ZNF556: variants seen among roughly 807,000 people sequenced by gnomAD.
ZNF556 encodes the protein zinc finger protein 556.
ZNF556 carries 11 observed loss-of-function variants against 13.6 expected under a neutral mutation model. That is an observed-to-expected ratio of 0.81 (90% CI 0.51 to 1.33). The LOEUF is 1.33. Ranked by LOEUF, ZNF556 falls within the 40% of genes most tolerant of loss-of-function variation. The pLI is 0.00. For missense variants in ZNF556, 633 were observed against 566.2 expected (o/e 1.12, Z -1.20); for synonymous variants, 229 against 207.8 (o/e 1.10, Z -0.88).
At chr19:2,874,639 G>C (rs772221378) in intron 2 of ZNF556, among the ~76,000 whole-genome samples, 2 of 151,384 alleles carry the variant, frequency 1.3e-5, no homozygotes, top group Non-Finnish European at 2.9e-5. Context: ...AGCTACTTGG[G>C]AGGCTGAGGC....
In ZNF556 at chr19:2,867,720, A is replaced by C. The variant is rs545864829; in HGVS notation, c.3+296A>C. 8.1e-3 allele frequency among the ~76,000 whole-genome samples: 976 copies of C among 120,264 alleles called. 19 individuals carry two copies. Among genetic ancestry groups the C allele is most frequent in the African/African-American group, 0.026 (925 of 35,806 alleles). 78.9% of individuals were successfully genotyped at this position (120,264 alleles called of 152,430 possible). ...AAAACTAACCCAAAGTACAAAAAAC[A>C]AAACAAAAAAAAAAAAAACCTCACC... On this transcript the variant is annotated intron_variant, in intron 1 of 3. Transcript: ENST00000307635.
chr19:2,867,417 A>G lies in ZNF556; in HGVS notation c.-5A>G, dbSNP rs774072133. 5.7e-6 allele frequency: 9 copies of G among 1,584,770 alleles called. No homozygotes were observed. The South Asian group carries it at 6.9e-5, about 12-fold the overall frequency. On this transcript the variant is annotated 5_prime_UTR_variant, in exon 1 of 4. Transcript: ENST00000307635. ...CTCCTCAAAGAGCTCAGGAACGGACAGGACATGGTGAGTGCAGGGCAGGAG... is the reference window on the plus strand; with the variant it reads ...CTCCTCAAAGAGCTCAGGAACGGACGGGACATGGTGAGTGCAGGGCAGGAG...
At chr19:2,874,390 C>A (rs1403878290) in intron 2 of ZNF556, among the ~76,000 whole-genome samples, 1 of 152,056 alleles carries the variant, frequency 6.6e-6, no homozygotes, top group Non-Finnish European at 1.5e-5. Flanking sequence ...AATTCAGTAG[C>A]TTCTCTGTGA....
intron 1 of ZNF556, among the ~76,000 whole-genome samples, chr19:2,871,166 G>GA (rs59136663): frequency 0.21 from 30,649 of 148,376 alleles, 5,103 homozygotes; most frequent in African/African-American, 0.46. Flanking sequence ...GCCGTCTCAA[G>GA]AAAAAAAAAA....
chr19:2,876,923 G>T (rs2087857100), intron 3 of ZNF556, among the ~76,000 whole-genome samples: 3 of 151,828 alleles, frequency 2.0e-5, no homozygotes, highest in Admixed American at 2.0e-4. Context: ...TATATATTAA[G>T]AAATAATTGG....
At position 2,877,253 on chromosome 19, in the gene ZNF556, A is replaced by T; in HGVS notation, c.315-20A>T. 1.9e-6 allele frequency: 3 copies of T among 1,572,134 alleles called. No homozygotes were observed. The highest frequency in any genetic ancestry group is 2.6e-6 in the Non-Finnish European group (3 of 1,157,214). ...AATTATTAAGGCATAAACCATTAAT[A>T]ATGTGCTACCCATTTTTAGCAGAAA... On this transcript the variant is annotated intron_variant, in intron 3 of 3. Transcript: ENST00000307635.
chr19:2,877,294 A>G lies in ZNF556; in HGVS notation c.336A>G (p.Arg112=). The G allele has an allele frequency of 6.2e-7, 1 of 1,612,292 alleles. No individual in the cohort carries two copies. Among genetic ancestry groups the G allele is most frequent in the Non-Finnish European group, 8.5e-7 (1 of 1,178,536 alleles). The change falls in exon 4 of 4, where the codon AGA becomes AGG. Residue 112 remains arginine, a synonymous_variant. Coordinates refer to ENST00000307635, the MANE Select transcript of ZNF556 (RefSeq NM_024967.3). ...RHLSRNPRVE[R]PCKSSKGNKR... is the part of the protein sequence containing the mutation. ...TTAGCAGAAATCCAAGGGTGGAGAG[A>G]CCATGTAAAAGCAGTAAAGGTAATA...
rs375467366 is a variant in ZNF556 at position 2,877,954 on chromosome 19, A to T, written c.996A>T (p.Lys332Asn). The T allele has an allele frequency of 6.2e-7, 1 of 1,614,046 alleles. No homozygotes were observed. The highest frequency in any genetic ancestry group is 1.3e-5 in the African/African-American group (1 of 74,938). ...KAFGWPSSLH[K>N]HARTHAKKKP... ...TCGGTTGGCCCTCATCCTTACACAAACACGCGAGAACGCATGCTAAAAAGA... is the reference window on the plus strand; with the variant it reads ...TCGGTTGGCCCTCATCCTTACACAATCACGCGAGAACGCATGCTAAAAAGA... The change falls in exon 4 of 4, where the codon AAA becomes AAT. Residue 332 changes from lysine (K) to asparagine (N), a missense_variant. Transcript: ENST00000307635.
In ZNF556 at chr19:2,878,324, A is replaced by T. The variant is rs773641943; in HGVS notation, c.1366A>T (p.Lys456Ter). The T allele has an allele frequency of 2.5e-6, 4 of 1,612,510 alleles. No individual in the cohort carries two copies. Among genetic ancestry groups the T allele is most frequent in the Non-Finnish European group, 2.5e-6 (3 of 1,179,350 alleles). Residue 456 changes from lysine to a stop codon, truncating the protein, a stop_gained, in exon 4 of 4, where the codon AAG becomes TAG. Transcript: ENST00000307635. LOFTEE classifies it high-confidence loss of function. ...SHTGKKSCTSK is the reference protein window; with the variant it reads ...SHTGKKSCTS ...CACAGGAAAGAAATCCTGTACATCT[A>T]AGTAATGGGGGAAAACCTGTGCAAA...
chr19:2,877,261 A>C lies in ZNF556; in HGVS notation c.315-12A>C. ...AGGCATAAACCATTAATAATGTGCT[A>C]CCCATTTTTAGCAGAAATCCAAGGG... On this transcript the variant is annotated splice_polypyrimidine_tract_variant and intron_variant, in intron 3 of 3. Transcript: ENST00000307635. 1 of 1,587,202 alleles carries C rather than the reference A, an allele frequency of 6.3e-7. No individual in the cohort carries two copies. Among genetic ancestry groups the C allele is most frequent in the Non-Finnish European group, 8.6e-7 (1 of 1,165,398 alleles).
In ZNF556 at chr19:2,878,308, G is replaced by T. The variant is rs267605400; in HGVS notation, c.1350G>T (p.Lys450Asn). 5 of 1,613,772 alleles carry T rather than the reference G, an allele frequency of 3.1e-6. No individual in the cohort carries two copies. The South Asian group carries it at 5.5e-5, about 18-fold the overall frequency. The part of the protein sequence containing the change: ...FQGHVRSHTG[K>N]KSCTSK Reference sequence around the variant, plus strand: ...GTCATGTGAGAAGTCACACAGGAAAGAAATCCTGTACATCTAAGTAATGGG... The same window carrying T: ...GTCATGTGAGAAGTCACACAGGAAATAAATCCTGTACATCTAAGTAATGGG... The change falls in exon 4 of 4, where the codon AAG becomes AAT. Residue 450 changes from lysine (K) to asparagine (N), a missense_variant. Transcript: ENST00000307635.
Position 2,878,579 on chromosome 19 carries a change from G to A in ZNF556, c.*250G>A, listed in dbSNP as rs778149888. Reference sequence around the variant, plus strand: ...TAGTCCCAGCTGCTCAGGAGGCTGAGGCAGGAGAACGGCGTGAACCCGGGA... The same window carrying A: ...TAGTCCCAGCTGCTCAGGAGGCTGAAGCAGGAGAACGGCGTGAACCCGGGA... On this transcript the variant is annotated 3_prime_UTR_variant, in exon 4 of 4. Coordinates refer to ENST00000307635, the MANE Select transcript of ZNF556 (RefSeq NM_024967.3). 1.0e-4 allele frequency: 34 copies of A among 330,862 alleles called. No homozygotes were observed. The highest frequency in any genetic ancestry group is 1.9e-4 in the Non-Finnish European group (34 of 178,056). 20.5% of individuals were successfully genotyped at this position (330,862 alleles called of 1,614,324 possible). A position where few individuals can be genotyped will look rare whatever the true frequency, so the allele number is the denominator to read the frequency against.
intron 1 of ZNF556, among the ~76,000 whole-genome samples, chr19:2,870,809 G>A (rs1324287410): frequency 6.6e-6 from 1 of 151,096 alleles, no homozygotes; most frequent in African/African-American, 2.4e-5. Flanking sequence ...GGAGGCCGAG[G>A]CAGGTGGATC....
Position 2,874,128 on chromosome 19 carries a change from G to A in ZNF556, c.130+506G>A, listed in dbSNP as rs1289742109. 7.1e-4 allele frequency among the ~76,000 whole-genome samples: 108 copies of A among 152,088 alleles called. 2 individuals carry two copies. The highest frequency in any genetic ancestry group is 2.1e-4 in the South Asian group (1 of 4,822). On this transcript the variant is annotated intron_variant, in intron 2 of 3. Coordinates refer to ENST00000307635, the MANE Select transcript of ZNF556 (RefSeq NM_024967.3). ...AAAAATTAGCTGGGCATGGTGGTGC[G>A]TGCCTGTAATCCCAGCTACTCGGGA...
chr19:2,873,045 A>G (rs924718261), intron 1 of ZNF556, among the ~76,000 whole-genome samples: 1 of 151,388 alleles, frequency 6.6e-6, no homozygotes, highest in Non-Finnish European at 1.5e-5. Flanking sequence ...AGGCAGGACA[A>G]TCGCTTGAAC....
intron 2 of ZNF556, among the ~76,000 whole-genome samples, chr19:2,873,907 T>C (rs2087827016): frequency 6.6e-6 from 1 of 150,448 alleles, no homozygotes; most frequent in Non-Finnish European, 1.5e-5. Context: ...CAGTGACCCA[T>C]GATCACACCA....
rs756551116 is a variant in ZNF556 at position 2,873,536 on chromosome 19, T to C, written c.44T>C (p.Leu15Pro). ...VFEDVVVDFTLEEWALLNPAQ... is the reference protein window; with the variant it reads ...VFEDVVVDFTPEEWALLNPAQ... Reference sequence around the variant, plus strand: ...GAAGACGTGGTTGTGGATTTCACGCTGGAGGAGTGGGCCTTGCTGAATCCT... The same window carrying C: ...GAAGACGTGGTTGTGGATTTCACGCCGGAGGAGTGGGCCTTGCTGAATCCT... The change falls in exon 2 of 4, where the codon CTG becomes CCG. Residue 15 changes from leucine (L) to proline (P), a missense_variant. Physicochemically the swap from Leu to Pro is moderately conservative, Grantham distance 98 (BLOSUM62 -3). Coordinates refer to ENST00000307635, the MANE Select transcript of ZNF556 (RefSeq NM_024967.3). 2.5e-6 allele frequency: 4 copies of C among 1,614,108 alleles called. No individual in the cohort carries two copies. The Admixed American group carries it at 5.0e-5, about 20-fold the overall frequency.
At chr19:2,867,712 C>CA (rs377752421) in intron 1 of ZNF556, among the ~76,000 whole-genome samples, 32,772 of 83,692 alleles carry the variant, frequency 0.39, 6,513 homozygotes, top group East Asian at 0.7. Flanking sequence ...ACCCAAAGTA[C>CA]AAAAAACAAA....
chr19:2,870,061 TATATTTTTTC>T (rs1400289610), intron 1 of ZNF556, among the ~76,000 whole-genome samples: 2 of 152,212 alleles, frequency 1.3e-5, no homozygotes, highest in Non-Finnish European at 1.5e-5. Context: ...TTCTCCTTTC[TATATTTTTTC>T]ATTGTATACT....
Sources: allele counts gnomAD v4.1 joint callset (sites outside exome capture counted in the v4.1 genomes callset), GRCh38; gene constraint gnomAD v4.1.1; transcripts MANE v1.5; gene names NCBI Gene and HGNC (gene_info 2026-07-23, HGNC 2026-07-21).